The following AP2S1 variants were observed in gnomAD, a reference collection of about 807,000 sequenced individuals.
The protein encoded by AP2S1 is AP-2 complex subunit sigma.
Under a neutral mutation model 21.0 loss-of-function variants are expected in AP2S1, and 6 were observed. That is an observed-to-expected ratio of 0.29 (90% CI 0.16 to 0.56). AP2S1 has a LOEUF of 0.56. Ranked by LOEUF, AP2S1 falls within the 20% of genes least tolerant of loss-of-function variation. The pLI, the probability that AP2S1 is intolerant of heterozygous loss-of-function variation, is 0.92. For synonymous variants in AP2S1, 63 were observed against 74.6 expected (o/e 0.84, Z 0.80); for missense variants, 60 against 186.2 (o/e 0.32, Z 3.95).
chr19:46,842,777 G>A (rs2055547213), intron 2 of AP2S1, among the ~76,000 whole-genome samples: 1 of 152,082 alleles, frequency 6.6e-6, no homozygotes, highest in East Asian at 1.9e-4. Context: ...CTCCTGGAGA[G>A]GTAAGTCCAA....
chr19:46,839,217 G>A (rs1442692766), intron 3 of AP2S1, among the ~76,000 whole-genome samples: 1 of 144,084 alleles, frequency 6.9e-6, no homozygotes, highest in Non-Finnish European at 1.5e-5. Flanking sequence ...AACCTGGGAG[G>A]TGGAGGCTGC....
rs746517943 is a variant in AP2S1 at position 46,845,979 on chromosome 19, G to A, written c.153+14C>T. ...GGAAGCAGCGGGGTGCAGGAGGCAT[G>A]GAGCGGGCGTCACCTCCACAAAGTT... is the stretch of plus-strand genomic sequence containing the variant. On this transcript the variant is annotated intron_variant, in intron 2 of 4. Coordinates refer to ENST00000263270, the MANE Select transcript of AP2S1 (RefSeq NM_004069.6). 1.9e-5 allele frequency: 30 copies of A among 1,613,864 alleles called. No homozygotes were observed. The highest frequency in any genetic ancestry group is 2.5e-5 in the Non-Finnish European group (29 of 1,179,924).
Position 46,850,758 on chromosome 19 carries a change from C to G in AP2S1, c.3+6G>C, listed in dbSNP as rs371883569. 6.3e-7 allele frequency: 1 copy of G among 1,586,332 alleles called. No individual in the cohort carries two copies. The highest frequency in any genetic ancestry group is 1.4e-5 in the African/African-American group (1 of 73,672). ...GCCAGTCCCCGGCGTAGCGCTCCCC[C>G]GTTACCATGGCGACCCCCGTCCAGA... is the stretch of plus-strand genomic sequence containing the variant. On this transcript the variant is annotated splice_donor_region_variant and intron_variant, in intron 1 of 4. Coordinates refer to ENST00000263270, the MANE Select transcript of AP2S1 (RefSeq NM_004069.6).
chr19:46,845,098 C>T (rs1206313121), intron 2 of AP2S1, among the ~76,000 whole-genome samples: 1 of 59,412 alleles, frequency 1.7e-5, no homozygotes, highest in Non-Finnish European at 3.2e-5. Flanking sequence ...GACTCCATTT[C>T]AGAAAAAAAA....
intron 1 of AP2S1, among the ~76,000 whole-genome samples, chr19:46,849,967 C>G (rs1177726705): frequency 6.6e-6 from 1 of 152,156 alleles, no homozygotes; most frequent in Non-Finnish European, 1.5e-5. Flanking sequence ...ATCCAAAGCC[C>G]CAACCTGGGG....
chr19:46,849,835 T>G (rs1478395481), intron 1 of AP2S1, among the ~76,000 whole-genome samples: 1 of 152,098 alleles, frequency 6.6e-6, no homozygotes. Context: ...CTTCCTCCCT[T>G]CTTCAAAAGG....
At chr19:46,843,786 T>C (rs913038256) in intron 2 of AP2S1, among the ~76,000 whole-genome samples, 2 of 152,104 alleles carry the variant, frequency 1.3e-5, no homozygotes, top group African/African-American at 4.8e-5. Flanking sequence ...CCCAGCCACT[T>C]GGCAAGCTGA....
At position 46,838,443 on chromosome 19, in the gene AP2S1, G is replaced by A; in HGVS notation, c.*4C>T. The A allele has an allele frequency of 6.2e-7, 1 of 1,614,004 alleles. No homozygotes were observed. Among genetic ancestry groups the A allele is most frequent in the Non-Finnish European group, 8.5e-7 (1 of 1,179,948 alleles). ...GCCGGGGCCGGGGTGGGGCTCGCCT[G>A]CCCTCACTCCAGGGACTGTAGCATC... On this transcript the variant is annotated 3_prime_UTR_variant, in exon 5 of 5. Transcript: ENST00000263270. The surrounding 1 kb of genome is among the most constrained non-coding windows in gnomAD (Gnocchi z 4.1).
Position 46,850,788 on chromosome 19 carries a change from A to G in AP2S1, c.-22T>C. The G allele has an allele frequency of 1.9e-6, 3 of 1,567,512 alleles. No homozygotes were observed. Among genetic ancestry groups the G allele is most frequent in the South Asian group, 1.1e-5 (1 of 87,176 alleles). On this transcript the variant is annotated 5_prime_UTR_variant, in exon 1 of 5. Transcript: ENST00000263270. ...CCATGGCGACCCCCGTCCAGACCCCAGCGGCCCCGGTCCCGCGGCGACTGG... is the reference window on the plus strand; with the variant it reads ...CCATGGCGACCCCCGTCCAGACCCCGGCGGCCCCGGTCCCGCGGCGACTGG...
At chr19:46,839,286 C>CAAAAAAAAAAAAAAAAAAAA (rs771792607) in intron 3 of AP2S1, among the ~76,000 whole-genome samples, 179 bp downstream of exon 3, 125 of 72,890 alleles carry the variant, frequency 1.7e-3, no homozygotes, top group Non-Finnish European at 2.6e-3. Context: ...GACTCCGTCT[C>CAAAAAAAAAAAAAAAAAAAA]AAAAAAAAAA....
chr19:46,839,424 G>GCCCCC, intron 3 of AP2S1, 41 bp downstream of exon 3: 3 of 1,504,488 alleles, frequency 2.0e-6, no homozygotes, highest in Non-Finnish European at 2.8e-6. Flanking sequence ...CTCCAGGGCT[G>GCCCCC]CCCACCCGCC....
At chr19:46,850,113 C>G (rs2055711700) in intron 1 of AP2S1, 3 of 1,230,560 alleles carry the variant, frequency 2.4e-6, no homozygotes, top group South Asian at 8.2e-5. Flanking sequence ...GCTCCCCATT[C>G]TTTCCGAGTG....
chr19:46,850,383 C>A, intron 1 of AP2S1: 1 of 1,237,328 alleles, frequency 8.1e-7, no homozygotes, highest in Non-Finnish European at 1.0e-6. Context: ...GCGCTCCCGC[C>A]ACACTTCCAG....
At chr19:46,849,190 G>C (rs1400120651) in intron 1 of AP2S1, among the ~76,000 whole-genome samples, 2 of 150,608 alleles carry the variant, frequency 1.3e-5, no homozygotes, top group Admixed American at 6.7e-5. Flanking sequence ...ATTTTTAGTA[G>C]AGACGGGGTC....
In AP2S1 at chr19:46,840,388, T is replaced by C. The variant is rs371413569; in HGVS notation, c.154-810A>G. Among the ~76,000 whole-genome samples the C allele has an allele frequency of 8.7e-5, 9 of 102,986 alleles. No homozygotes were observed. The South Asian group carries it at 2.6e-3, about 29-fold the overall frequency. 67.6% of individuals were successfully genotyped at this position (102,986 alleles called of 152,430 possible). A position where few individuals can be genotyped will look rare whatever the true frequency, so the allele number is the denominator to read the frequency against. ...ATTACAAAAAAAAAAAAAAAAAAAA[T>C]CCCAGCACTCCAGGAGGCCGGGCGA... On this transcript the variant is annotated intron_variant, in intron 2 of 4. Transcript: ENST00000263270.
chr19:46,840,629 C>CA (rs1387161418), intron 2 of AP2S1, among the ~76,000 whole-genome samples: 1 of 150,640 alleles, frequency 6.6e-6, no homozygotes, highest in Non-Finnish European at 1.5e-5. Context: ...GACCCTGTCT[C>CA]AAAAAACACA....
rs140543518 is a variant in AP2S1, at chr19:46,842,113, G to A, written c.154-2535C>T. On this transcript the variant is annotated intron_variant, in intron 2 of 4. Transcript: ENST00000263270. ...GGAGGATCCCTTGAGCCTGGGAGGCGGAGGCTGCAGTGAGCTATGATTGCA... is the reference window on the plus strand; with the variant it reads ...GGAGGATCCCTTGAGCCTGGGAGGCAGAGGCTGCAGTGAGCTATGATTGCA... 7.1e-3 allele frequency among the ~76,000 whole-genome samples: 1,077 copies of A among 151,906 alleles called. 12 individuals are homozygous for A. Among genetic ancestry groups the A allele is most frequent in the African/African-American group, 0.025 (1,039 of 41,258 alleles).
intron 1 of AP2S1, chr19:46,850,430 C>A: frequency 1.1e-6 from 1 of 893,802 alleles, no homozygotes; most frequent in Non-Finnish European, 1.5e-6. Flanking sequence ...TCCCCACCTC[C>A]AATGCCTTCT....
intron 1 of AP2S1, 115 bp from the exon 2 acceptor site, chr19:46,846,257 G>A: frequency 7.5e-7 from 1 of 1,330,226 alleles, no homozygotes; most frequent in East Asian, 2.5e-5. Context: ...GGGCCTCCCT[G>A]CTGCCTGACT....
Sources: gnomAD v4.1 joint callset for allele counts (sites outside exome capture counted in the v4.1 genomes callset) on GRCh38, gnomAD v4.1.1 for gene constraint, Gnocchi (gnomAD v3.1) non-coding constraint, MANE v1.5 for transcripts, NCBI Gene and HGNC (gene_info 2026-07-23, HGNC 2026-07-21) for gene names.